Variants in RBFOX1 observed in about 807,000 individuals in gnomAD.
RBFOX1 encodes the protein RNA binding fox-1 homolog 1.
RBFOX1 carries 8 observed loss-of-function variants against 57.7 expected under a neutral mutation model. That is an observed-to-expected ratio of 0.14 (90% CI 0.08 to 0.25). The LOEUF (loss-of-function observed/expected upper bound fraction) is 0.25, where lower values mean the gene tolerates loss of function less well. Among genes scored for constraint, RBFOX1 ranks in the 10% least tolerant of loss-of-function variants. The pLI is 1.00. For missense variants in RBFOX1, 611 were observed against 548.5 expected, an observed-to-expected ratio of 1.11 and a Z score of -1.14; for synonymous variants, 326 against 222.4, an observed-to-expected ratio of 1.47 and a Z score of -4.15.
At chr16:7,659,181 A>G (rs1476065597) in intron 12 of RBFOX1, among the ~76,000 whole-genome samples, 1 of 152,196 alleles carries the variant, frequency 6.6e-6, no homozygotes, top group African/African-American at 2.4e-5. Context: ...GAAGTATTTG[A>G]GAAGACTCTA....
chr16:7,000,534 A>T (rs969602289), intron 3 of RBFOX1, among the ~76,000 whole-genome samples: 7 of 149,386 alleles, frequency 4.7e-5, no homozygotes. Context: ...ATTTTTGTTC[A>T]ATTTTGCTTT....
intron 4 of RBFOX1, among the ~76,000 whole-genome samples, chr16:7,105,770 C>G (rs2063475973): frequency 1.7e-5 from 2 of 118,686 alleles, no homozygotes. Flanking sequence ...ATCTATATAT[C>G]TATGTAGATG....
chr16:6,058,960 G>C (rs2095651130), intron 1 of RBFOX1, among the ~76,000 whole-genome samples: 1 of 152,094 alleles, frequency 6.6e-6, no homozygotes, highest in Non-Finnish European at 1.5e-5. Flanking sequence ...TGTGAATCTG[G>C]AACAACTAAC....
At chr16:5,682,503 TG>T (rs1490216604) in intron 3 of RBFOX1, among the ~76,000 whole-genome samples, 1 of 152,228 alleles carries the variant, frequency 6.6e-6, no homozygotes, top group African/African-American at 2.4e-5. Flanking sequence ...TTACTTTCGG[TG>T]GAAGAGATGA....
chr16:5,507,788 C>G (rs1001580273), intron 2 of RBFOX1, among the ~76,000 whole-genome samples: 1 of 152,152 alleles, frequency 6.6e-6, no homozygotes, highest in African/African-American at 2.4e-5. Flanking sequence ...GGTGCAGCCA[C>G]AAGCCAATGA....
At chr16:6,162,212 G>T (rs1567590324) in intron 1 of RBFOX1, among the ~76,000 whole-genome samples, 3 of 152,128 alleles carry the variant, frequency 2.0e-5, no homozygotes, top group African/African-American at 7.2e-5. Context: ...CCGCCTTCCA[G>T]GTTCAAGCAA....
chr16:6,232,061 C>G (rs1488225976), intron 1 of RBFOX1, among the ~76,000 whole-genome samples: 1 of 152,066 alleles, frequency 6.6e-6, no homozygotes, highest in African/African-American at 2.4e-5. Context: ...TCATAATTTG[C>G]CCTATTCCTC....
intron 4 of RBFOX1, among the ~76,000 whole-genome samples, chr16:5,911,620 G>A (rs1459684655): frequency 6.6e-6 from 1 of 152,206 alleles, no homozygotes; most frequent in African/African-American, 2.4e-5. Context: ...ACTCTGTTTG[G>A]GCTGATGTAA....
At chr16:5,689,927 G>A (rs986825573) in intron 3 of RBFOX1, among the ~76,000 whole-genome samples, 6 of 152,208 alleles carry the variant, frequency 3.9e-5, no homozygotes, top group Admixed American at 2.0e-4. Context: ...TCTCTCTGAA[G>A]TATTGACCTG....
intron 10 of RBFOX1, among the ~76,000 whole-genome samples, chr16:7,618,644 C>A (rs1306215581): frequency 6.6e-6 from 1 of 151,632 alleles, no homozygotes; most frequent in African/African-American, 2.4e-5. Flanking sequence ...TCTTATTTCC[C>A]CAACAAATTA....
At chr16:5,917,446 C>G (rs1457640120) in intron 4 of RBFOX1, among the ~76,000 whole-genome samples, 1 of 152,148 alleles carries the variant, frequency 6.6e-6, no homozygotes, top group Non-Finnish European at 1.5e-5. Flanking sequence ...GAGGTTGAGA[C>G]GTTAAGTAAT....
chr16:7,022,808 T>G (rs533482715), intron 3 of RBFOX1, among the ~76,000 whole-genome samples: 6 of 152,208 alleles, frequency 3.9e-5, no homozygotes, highest in African/African-American at 1.4e-4. Flanking sequence ...TCTATTCTTA[T>G]TGACCTGATT....
At chr16:7,049,683 T>G (rs751600441) in intron 3 of RBFOX1, among the ~76,000 whole-genome samples, 8 of 152,038 alleles carry the variant, frequency 5.3e-5, no homozygotes, top group Non-Finnish European at 1.0e-4. Flanking sequence ...TTTGGTCGTT[T>G]TGTTCCCCCC....
chr16:7,527,321 G>C (rs1008691585), intron 5 of RBFOX1, among the ~76,000 whole-genome samples: 11 of 152,030 alleles, frequency 7.2e-5, no homozygotes, highest in Non-Finnish European at 1.5e-4. Flanking sequence ...CCAATACTGT[G>C]CCTGTTTTAT....
chr16:5,557,483 C>T (rs1245604381), intron 2 of RBFOX1, among the ~76,000 whole-genome samples: 3 of 151,968 alleles, frequency 2.0e-5, no homozygotes, highest in East Asian at 3.9e-4. Context: ...TATGACGAAA[C>T]AGGTGGGGTG....
In RBFOX1 at chr16:6,193,392, C is replaced by A. The variant is rs55770380; in HGVS notation, c.-126-123603C>A. Among the ~76,000 whole-genome samples, 388 of 43,188 alleles carry A rather than the reference C, an allele frequency of 9.0e-3. 6 individuals are homozygous for A. The highest frequency in any genetic ancestry group is 0.023 in the African/African-American group (351 of 15,424). The allele number at this position is 43,188 out of a possible 152,430, so 28.3% of individuals were successfully genotyped here. ...TATATATATACATTATATATATATA[C>A]TATATATATATATATATATATATAT... is the stretch of plus-strand genomic sequence containing the variant. On this transcript the variant is annotated intron_variant, in intron 1 of 15. Coordinates refer to ENST00000550418, the MANE Select transcript of RBFOX1 (RefSeq NM_018723.4).
chr16:7,325,602 C>CT (rs758984425), intron 4 of RBFOX1, among the ~76,000 whole-genome samples: 2 of 152,248 alleles, frequency 1.3e-5, no homozygotes, highest in South Asian at 2.1e-4. Flanking sequence ...CTCCGGGTGT[C>CT]TTTTTTTGCT....
At chr16:7,665,069 C>T in intron 13 of RBFOX1, 101 bp downstream of exon 13, 1 of 1,606,636 alleles carries the variant, frequency 6.2e-7, no homozygotes, top group South Asian at 1.1e-5. Context: ...TTGAGTTTCT[C>T]TCCTTGGTCT....
intron 2 of RBFOX1, among the ~76,000 whole-genome samples, chr16:6,412,170 AC>A (rs1178186943): frequency 4.0e-5 from 6 of 151,734 alleles, no homozygotes; most frequent in African/African-American, 9.7e-5. Context: ...ACAAAAAAAA[AC>A]ATGGCCCTTT....
Sources: gnomAD v4.1 joint callset for allele counts (sites outside exome capture counted in the v4.1 genomes callset) on GRCh38, gnomAD v4.1.1 for gene constraint, MANE v1.5 for transcripts, NCBI Gene and HGNC (gene_info 2026-07-23, HGNC 2026-07-21) for gene names.